Variants in UTRN observed in about 807,000 individuals in gnomAD.
The protein encoded by UTRN is utrophin, also known as dystrophin-related protein 1.
Under a neutral mutation model 463.9 loss-of-function variants are expected in UTRN, and 283 were observed. The ratio of observed to expected loss-of-function variants is 0.61; its 90% confidence interval spans 0.55 to 0.67. The LOEUF (loss-of-function observed/expected upper bound fraction) is 0.67. Ranked by LOEUF, UTRN falls within the 30% of genes least tolerant of loss-of-function variation. The pLI is 0.00. For synonymous variants in UTRN, 1,442 were observed against 1,431.5 expected (o/e 1.01, Z -0.17); for missense variants, 3,922 against 4,084.3 (o/e 0.96, Z 1.08).
Position 144,490,912 on chromosome 6 carries a change from T to C in UTRN, c.4264-17T>C. 6.4e-7 allele frequency: 1 copy of C among 1,560,748 alleles called. No homozygotes were observed. Among genetic ancestry groups the C allele is most frequent in the East Asian group, 2.3e-5 (1 of 43,784 alleles). On this transcript the variant is annotated splice_polypyrimidine_tract_variant and intron_variant, in intron 31 of 74. Coordinates refer to ENST00000367545, the MANE Select transcript of UTRN (RefSeq NM_007124.3). ...ATCATCCTGATGGGAATTGCATATT[T>C]TCATTTCTGCAAACAGAGGAAACTC...
chr6:144,767,280 G>C (rs2128730703), intron 58 of UTRN, among the ~76,000 whole-genome samples: 1 of 152,230 alleles, frequency 6.6e-6, no homozygotes, highest in East Asian at 1.9e-4. Flanking sequence ...CAGCTGCTCA[G>C]GTCCAGAGTA....
chr6:144,477,561 C>CAT (rs397729076), intron 25 of UTRN, among the ~76,000 whole-genome samples: 43 of 151,648 alleles, frequency 2.8e-4, no homozygotes, highest in African/African-American at 9.7e-4. Context: ...CACACACACA[C>CAT]GCACACACCC....
At chr6:144,427,979 G>A (rs1785442684) in intron 7 of UTRN, among the ~76,000 whole-genome samples, 1 of 152,168 alleles carries the variant, frequency 6.6e-6, no homozygotes, top group South Asian at 2.1e-4. Context: ...CTTGGCATCG[G>A]AGAGGGCAGT....
intron 50 of UTRN, among the ~76,000 whole-genome samples, chr6:144,569,324 A>G (rs765515456): frequency 6.6e-6 from 1 of 152,096 alleles, no homozygotes; most frequent in African/African-American, 2.4e-5. Context: ...CTTTTAGTAT[A>G]GTCATTATGT....
At chr6:144,668,136 G>A (rs1194038908) in intron 51 of UTRN, among the ~76,000 whole-genome samples, 1 of 152,138 alleles carries the variant, frequency 6.6e-6, no homozygotes, top group Non-Finnish European at 1.5e-5. Flanking sequence ...CCCTATTAGT[G>A]TCATGTTAGA....
chr6:144,434,970 A>T (rs1786391375), intron 9 of UTRN, among the ~76,000 whole-genome samples: 1 of 152,170 alleles, frequency 6.6e-6, no homozygotes, highest in South Asian at 2.1e-4. Flanking sequence ...TTGGTTAATT[A>T]TATGGTCACC....
chr6:144,615,523 G>A (rs1305064713), intron 51 of UTRN, among the ~76,000 whole-genome samples: 1 of 152,046 alleles, frequency 6.6e-6, no homozygotes, highest in Non-Finnish European at 1.5e-5. Context: ...TTTTCATTCA[G>A]TTAGTTTCTG....
chr6:144,485,184 A>G (rs568212018), intron 27 of UTRN, among the ~76,000 whole-genome samples: 265 of 152,164 alleles, frequency 1.7e-3, no homozygotes, highest in African/African-American at 5.9e-3. Context: ...TCAGCCTCCC[A>G]AAGTGCTGGG....
chr6:144,668,280 G>A lies in UTRN; in HGVS notation c.7480-10126G>A, dbSNP rs149481665. ...TCCTTGGGTGTTTCTGGTTAGTGGA[G>A]GTCTATGGGTGATTGAAAAACAAGC... On this transcript the variant is annotated intron_variant, in intron 51 of 74. Coordinates refer to ENST00000367545, the MANE Select transcript of UTRN (RefSeq NM_007124.3). 1.6e-3 allele frequency among the ~76,000 whole-genome samples: 247 copies of A among 152,248 alleles called. 1 individual carries two copies. Among genetic ancestry groups the A allele is most frequent in the African/African-American group, 5.8e-3 (239 of 41,548 alleles).
chr6:144,676,861 T>C (rs1781656231), intron 51 of UTRN, among the ~76,000 whole-genome samples: 1 of 152,238 alleles, frequency 6.6e-6, no homozygotes, highest in Non-Finnish European at 1.5e-5. Context: ...GTTATAGTTA[T>C]GTAATATCTT....
At chr6:144,582,630 A>G (rs1802073565) in intron 51 of UTRN, among the ~76,000 whole-genome samples, 1 of 152,224 alleles carries the variant, frequency 6.6e-6, no homozygotes, top group South Asian at 2.1e-4. Context: ...TGGAATGTTC[A>G]GTAGTCAATT....
At chr6:144,557,779 T>C (rs140184720) in intron 50 of UTRN, among the ~76,000 whole-genome samples, 200 of 152,260 alleles carry the variant, frequency 1.3e-3, no homozygotes, top group Non-Finnish European at 1.5e-3. Context: ...TATGTGCATT[T>C]AGGATTTTAG....
At chr6:144,610,205 A>G (rs1805343248) in intron 51 of UTRN, among the ~76,000 whole-genome samples, 1 of 151,918 alleles carries the variant, frequency 6.6e-6, no homozygotes, top group African/African-American at 2.4e-5. Flanking sequence ...GAAAAAAAAA[A>G]AGACCCAAAG....
Position 144,286,334 on chromosome 6 carries a change from C to A in UTRN, c.-93+513C>A, listed in dbSNP as rs1258343917. 2.0e-5 allele frequency among the ~76,000 whole-genome samples: 3 copies of A among 151,812 alleles called. No homozygotes were observed. The highest frequency in any genetic ancestry group is 2.9e-5 in the Non-Finnish European group (2 of 67,954). On this transcript the variant is annotated intron_variant, in intron 1 of 74. Coordinates refer to ENST00000367545, the MANE Select transcript of UTRN (RefSeq NM_007124.3). This position sits in a 1 kb window ranked among gnomAD's most constrained non-coding sequence, Gnocchi z 4.4. ...GGGCAGAGGGTGGCTGTGTGGTCGG[C>A]GGCCAGCGGAGCGCTTCCCAGCCAG... is the stretch of plus-strand genomic sequence containing the variant.
rs1489731983 is a variant in UTRN, at chr6:144,458,943, TG to T, written c.2461del (p.Val821Ter). The stretch of plus-strand genomic sequence containing the variant: ...AAAGGTCATCAAGACAAAGGAGGAG[TG>T]GGTAAAACACACTTCCATTTCTGAA... ...LEKVIKTKEE[W>X]VKHTSISESS... On this transcript the variant is annotated frameshift_variant, in exon 20 of 75. Coordinates refer to ENST00000367545, the MANE Select transcript of UTRN (RefSeq NM_007124.3). LOFTEE classifies it high-confidence loss of function. 1 of 1,612,936 alleles carries T rather than the reference TG, an allele frequency of 6.2e-7. No homozygotes were observed. Among genetic ancestry groups the T allele is most frequent in the Non-Finnish European group, 8.5e-7 (1 of 1,179,760 alleles).
chr6:144,384,256 C>T (rs1027344158), intron 2 of UTRN, among the ~76,000 whole-genome samples: 14 of 152,086 alleles, frequency 9.2e-5, no homozygotes, highest in Admixed American at 1.3e-4. Context: ...TGTTAGGAGG[C>T]GAGTCACACA....
intron 58 of UTRN, among the ~76,000 whole-genome samples, chr6:144,770,239 G>A (rs371686700): frequency 3.3e-5 from 5 of 152,002 alleles, no homozygotes; most frequent in East Asian, 3.9e-4. Context: ...TAATATTTCC[G>A]GGATACGTAC....
intron 2 of UTRN, among the ~76,000 whole-genome samples, chr6:144,341,812 C>T (rs771362867): frequency 6.6e-6 from 1 of 152,212 alleles, no homozygotes; most frequent in Non-Finnish European, 1.5e-5. Flanking sequence ...GAAGCAGGGC[C>T]AACTTCTTTC....
intron 43 of UTRN, among the ~76,000 whole-genome samples, chr6:144,536,119 A>G (rs1256836087): frequency 6.6e-6 from 1 of 152,200 alleles, no homozygotes; most frequent in Non-Finnish European, 1.5e-5. Flanking sequence ...CTGTTAGAAC[A>G]TGAATTTATA....
Sources: allele counts gnomAD v4.1 joint callset (sites outside exome capture counted in the v4.1 genomes callset), GRCh38; gene constraint gnomAD v4.1.1; non-coding constraint Gnocchi (gnomAD v3.1); transcripts MANE v1.5; gene names NCBI Gene and HGNC (gene_info 2026-07-23, HGNC 2026-07-21).